CSGALNACT2: variants seen among roughly 807,000 people sequenced by gnomAD.
CSGALNACT2 encodes the protein beta 4 GalNAcT-2.
In CSGALNACT2, 35 loss-of-function variants were observed where a neutral mutation model predicts 55.3. That is an observed-to-expected ratio of 0.63 (90% CI 0.48 to 0.84). The LOEUF (loss-of-function observed/expected upper bound fraction) is 0.84, where lower values mean the gene tolerates loss of function less well. Ranked by LOEUF, CSGALNACT2 falls within the 40% of genes least tolerant of loss-of-function variation. The pLI is 0.00. For missense variants in CSGALNACT2, 544 were observed against 657.5 expected, an observed-to-expected ratio of 0.83 and a Z score of 1.89; for synonymous variants, 196 against 224.9, an observed-to-expected ratio of 0.87 and a Z score of 1.15.
At position 43,155,739 on chromosome 10, in the gene CSGALNACT2, A is replaced by C. The variant is rs1026946231; in HGVS notation, c.590A>C (p.Asp197Ala). The C allele has an allele frequency of 1.9e-6, 3 of 1,614,166 alleles. No homozygotes were observed. In the East Asian group the frequency reaches 6.7e-5, roughly 36 times the overall value. The change falls in exon 2 of 8, where the codon GAT (aspartate) becomes GCT (alanine). Residue 197 changes from aspartate to alanine, a missense_variant. Physicochemically the swap from Asp to Ala is moderately radical, Grantham distance 126. Coordinates refer to ENST00000374466, the MANE Select transcript of CSGALNACT2 (RefSeq NM_018590.5). ...GLEVINNPDE[D>A]DEQEDEEGPL... ...GAGGTCATTAATAATCCTGATGAAG[A>C]TGATGAACAAGAAGATGAGGAGGGT...
At chr10:43,139,692 T>C (rs1409275183) in intron 1 of CSGALNACT2, among the ~76,000 whole-genome samples, 1 of 152,258 alleles carries the variant, frequency 6.6e-6, no homozygotes, top group African/African-American at 2.4e-5. Flanking sequence ...GTATTCTAAC[T>C]TCTCTTATCT....
intron 1 of CSGALNACT2, among the ~76,000 whole-genome samples, chr10:43,141,977 A>G (rs558542521): frequency 6.6e-6 from 1 of 151,724 alleles, no homozygotes; most frequent in Non-Finnish European, 1.5e-5. Flanking sequence ...ACTGTTCCCC[A>G]CTCTTCTTCC....
intron 1 of CSGALNACT2, among the ~76,000 whole-genome samples, chr10:43,146,397 C>T (rs958663026): frequency 6.6e-6 from 1 of 152,234 alleles, no homozygotes; most frequent in Non-Finnish European, 1.5e-5. Flanking sequence ...TCTTCTCCTG[C>T]CTGCTTTATT....
chr10:43,150,388 C>T (rs1365975423), intron 1 of CSGALNACT2, among the ~76,000 whole-genome samples: 3 of 152,092 alleles, frequency 2.0e-5, no homozygotes, highest in African/African-American at 7.2e-5. Flanking sequence ...TATTATGTTC[C>T]TCTGCCTAAA....
chr10:43,165,450 G>T (rs1159519734), intron 5 of CSGALNACT2, among the ~76,000 whole-genome samples: 1 of 151,908 alleles, frequency 6.6e-6, no homozygotes, highest in Non-Finnish European at 1.5e-5. Flanking sequence ...GTGTATGAAT[G>T]TAGCAAAACA....
At chr10:43,158,536 CCTTTT>C (rs1001061653) in intron 2 of CSGALNACT2, among the ~76,000 whole-genome samples, 174 bp from the exon 3 acceptor site, 7 of 151,698 alleles carry the variant, frequency 4.6e-5, no homozygotes, top group African/African-American at 7.3e-5. Flanking sequence ...TTTTTTTTAA[CCTTTT>C]CTTTTAAGCG....
chr10:43,152,483 A>G (rs1838897417), intron 1 of CSGALNACT2, among the ~76,000 whole-genome samples: 1 of 152,180 alleles, frequency 6.6e-6, no homozygotes, highest in African/African-American at 2.4e-5. Context: ...TTCAACTGTA[A>G]TATTAAGTAG....
chr10:43,148,193 C>T (rs1453059123), intron 1 of CSGALNACT2, among the ~76,000 whole-genome samples: 1 of 152,166 alleles, frequency 6.6e-6, no homozygotes, highest in Non-Finnish European at 1.5e-5. Context: ...TGTTGAAAAT[C>T]AACTAACCAT....
At chr10:43,160,725 G>A in intron 4 of CSGALNACT2, 130 bp downstream of exon 4, 1 of 630,138 alleles carries the variant, frequency 1.6e-6, no homozygotes, top group Non-Finnish European at 2.8e-6. Context: ...GGGCGGTGGT[G>A]GTGATGATAA....
At chr10:43,152,196 C>G (rs1838890626) in intron 1 of CSGALNACT2, among the ~76,000 whole-genome samples, 1 of 152,122 alleles carries the variant, frequency 6.6e-6, no homozygotes, top group Middle Eastern at 3.2e-3. Flanking sequence ...GGGATTAACT[C>G]TGGGCTGTGA....
chr10:43,141,462 G>A (rs1377307724), intron 1 of CSGALNACT2, among the ~76,000 whole-genome samples: 37 of 151,474 alleles, frequency 2.4e-4, no homozygotes, highest in Admixed American at 2.4e-3. Flanking sequence ...TGATCCACCT[G>A]CCTCAGCCTC....
intron 1 of CSGALNACT2, among the ~76,000 whole-genome samples, chr10:43,149,084 G>A (rs186008721): frequency 8.5e-4 from 129 of 152,122 alleles, no homozygotes; most frequent in African/African-American, 3.0e-3. Flanking sequence ...GTTTGGTTTG[G>A]TTTGGTTTGG....
intron 3 of CSGALNACT2, 125 bp downstream of exon 3, chr10:43,159,056 C>A: frequency 1.6e-6 from 1 of 621,068 alleles, no homozygotes. Flanking sequence ...TTTAGGGGAA[C>A]TTTATTTTTT....
intron 1 of CSGALNACT2, among the ~76,000 whole-genome samples, chr10:43,146,142 A>G (rs1332900070): frequency 2.0e-5 from 3 of 152,242 alleles, no homozygotes; most frequent in Non-Finnish European, 4.4e-5. Flanking sequence ...AAGTCCCATG[A>G]TAGGTCATCA....
intron 5 of CSGALNACT2, among the ~76,000 whole-genome samples, chr10:43,165,338 G>C (rs1042292223): frequency 6.6e-6 from 1 of 151,590 alleles, no homozygotes; most frequent in Non-Finnish European, 1.5e-5. Context: ...AAATTGCTAA[G>C]CCAGTAGTAG....
intron 1 of CSGALNACT2, among the ~76,000 whole-genome samples, chr10:43,146,698 G>A (rs1039355618): frequency 8.6e-5 from 13 of 151,116 alleles, no homozygotes; most frequent in Non-Finnish European, 1.8e-4. Context: ...GAGGCACTGC[G>A]CTACAGCTCT....
chr10:43,150,436 T>C (rs1838852559), intron 1 of CSGALNACT2, among the ~76,000 whole-genome samples: 1 of 152,236 alleles, frequency 6.6e-6, no homozygotes, highest in South Asian at 2.1e-4. Flanking sequence ...TGAATTCCTT[T>C]AGCTTTTTAT....
At chr10:43,174,810 G>A (rs979198838) in intron 6 of CSGALNACT2, among the ~76,000 whole-genome samples, 1 of 152,268 alleles carries the variant, frequency 6.6e-6, no homozygotes, top group African/African-American at 2.4e-5. Flanking sequence ...AAACAAAGGC[G>A]CTTTGATGGC....
intron 5 of CSGALNACT2, among the ~76,000 whole-genome samples, 167 bp from the exon 6 acceptor site, chr10:43,166,837 C>A (rs1350708371): frequency 6.6e-6 from 1 of 152,170 alleles, no homozygotes; most frequent in Non-Finnish European, 1.5e-5. Context: ...TGATATGTTA[C>A]AAAATCATCA....
Sources: allele counts gnomAD v4.1 joint callset (sites outside exome capture counted in the v4.1 genomes callset), GRCh38; gene constraint gnomAD v4.1.1; transcripts MANE v1.5; gene names NCBI Gene and HGNC (gene_info 2026-07-23, HGNC 2026-07-21).